The following SNX29 variants were observed in gnomAD, a reference collection of about 807,000 sequenced individuals.
SNX29 encodes sorting nexin-29.
A neutral mutation model predicts 102.1 loss-of-function variants in SNX29; 78 were observed. The ratio of observed to expected loss-of-function variants is 0.76; its 90% CI spans 0.64 to 0.92. The LOEUF (loss-of-function observed/expected upper bound fraction) is 0.92, where lower values mean the gene tolerates loss of function less well. Among genes scored for constraint, SNX29 ranks in the 40% least tolerant of loss-of-function variants. The probability of loss-of-function intolerance (pLI) is 0.00; values close to 1 mark genes in which losing one functional copy is unlikely to be tolerated. For missense variants in SNX29, 1,280 were observed against 1,061.7 expected, an observed-to-expected ratio of 1.21 and a Z score of -2.86; for synonymous variants, 580 against 414.5, an observed-to-expected ratio of 1.40 and a Z score of -4.85.
At chr16:12,340,765 C>A (rs1402756888) in intron 15 of SNX29, among the ~76,000 whole-genome samples, 2 of 152,262 alleles carry the variant, frequency 1.3e-5, no homozygotes, top group South Asian at 2.1e-4. Context: ...TCACCCGGAG[C>A]ATGTGGTATC....
At chr16:12,218,167 TTTGA>T (rs1329338839) in intron 14 of SNX29, among the ~76,000 whole-genome samples, 1 of 152,272 alleles carries the variant, frequency 6.6e-6, no homozygotes, top group Admixed American at 6.5e-5. Flanking sequence ...TACTTCATAC[TTTGA>T]TTTTTTAAAT....
intron 9 of SNX29, among the ~76,000 whole-genome samples, chr16:12,064,067 C>T (rs144732954): frequency 2.6e-5 from 4 of 152,222 alleles, no homozygotes; most frequent in South Asian, 2.1e-4. Context: ...ATTTCCTGCT[C>T]ACCTTGTCCC....
At chr16:12,228,731 G>A (rs987710233) in intron 14 of SNX29, among the ~76,000 whole-genome samples, 2 of 152,192 alleles carry the variant, frequency 1.3e-5, no homozygotes, top group African/African-American at 4.8e-5. Flanking sequence ...GGAACAAGCC[G>A]TGTTTTTCCC....
intron 11 of SNX29, among the ~76,000 whole-genome samples, chr16:12,080,733 C>T (rs982129262): frequency 4.7e-5 from 7 of 149,340 alleles, no homozygotes; most frequent in African/African-American, 1.5e-4. Flanking sequence ...CTCTTGTCTC[C>T]CAGGCTGGAG....
At chr16:12,235,795 GTGTGTGTGTGTGTGTATGTGTA>G (rs1434837825) in intron 14 of SNX29, among the ~76,000 whole-genome samples, 1 of 151,576 alleles carries the variant, frequency 6.6e-6, no homozygotes, top group African/African-American at 2.4e-5. Context: ...TTGTGTGTGT[GTGTGTGTGTGTGTGTATGTGTA>G]TGTGTGTGTG....
intron 20 of SNX29, among the ~76,000 whole-genome samples, chr16:12,530,060 G>A (rs1402014516): frequency 7.9e-5 from 12 of 152,130 alleles, no homozygotes; most frequent in Middle Eastern, 3.2e-3. Flanking sequence ...GTCCCAGTTC[G>A]GCACCGTTCC....
chr16:12,502,124 G>A (rs543907941), intron 19 of SNX29, among the ~76,000 whole-genome samples: 4 of 152,174 alleles, frequency 2.6e-5, no homozygotes, highest in Admixed American at 2.0e-4. Context: ...AACATGCTCC[G>A]TCCAGATGTG....
chr16:11,980,610 C>T (rs1054590141), intron 1 of SNX29, among the ~76,000 whole-genome samples: 8 of 152,160 alleles, frequency 5.3e-5, no homozygotes, highest in Non-Finnish European at 8.8e-5. Context: ...AGTGGCTGCA[C>T]CATTTTCAGT....
intron 14 of SNX29, among the ~76,000 whole-genome samples, chr16:12,252,642 C>T (rs923111642): frequency 6.6e-6 from 1 of 152,224 alleles, no homozygotes; most frequent in African/African-American, 2.4e-5. Context: ...CCTGTCTGCA[C>T]CAGGTGACCT....
intron 15 of SNX29, among the ~76,000 whole-genome samples, chr16:12,281,431 C>T (rs556097403): frequency 6.6e-6 from 1 of 152,294 alleles, no homozygotes; most frequent in South Asian, 2.1e-4. Context: ...ATAAAGCCCT[C>T]TTTAAATGGC....
At chr16:12,502,793 G>A (rs1010569165) in intron 19 of SNX29, among the ~76,000 whole-genome samples, 2 of 152,198 alleles carry the variant, frequency 1.3e-5, no homozygotes, top group African/African-American at 4.8e-5. Context: ...CCAGTGGAAA[G>A]CAATCACAGG....
At chr16:12,178,609 T>G (rs1338066699) in intron 13 of SNX29, among the ~76,000 whole-genome samples, 2 of 152,174 alleles carry the variant, frequency 1.3e-5, no homozygotes, top group Non-Finnish European at 2.9e-5. Flanking sequence ...CTTCTGACTT[T>G]TTGTATAGGA....
At chr16:12,425,960 C>G (rs1258201086) in intron 18 of SNX29, among the ~76,000 whole-genome samples, 1 of 152,166 alleles carries the variant, frequency 6.6e-6, no homozygotes, top group Non-Finnish European at 1.5e-5. Context: ...CATCACCCAG[C>G]CACAGCCTGC....
At position 12,573,770 on chromosome 16, in the gene SNX29, C is replaced by T. The variant is rs1295481133; in HGVS notation, c.*5141C>T. 6 of 222,600 alleles carry T rather than the reference C, an allele frequency of 2.7e-5. No homozygotes were observed. In the East Asian group the frequency reaches 3.9e-4, roughly 15 times the overall value. The allele number at this position is 222,600 out of a possible 1,614,324, so 13.8% of individuals were successfully genotyped here. A position where few individuals can be genotyped will look rare whatever the true frequency, so the allele number is the denominator to read the frequency against. ...CAGAGCTACTAAACGCTCAGTGACC[C>T]CAGAGACCATTAATTTCCCGGAGTG... On this transcript the variant is annotated 3_prime_UTR_variant, in exon 21 of 21. Coordinates refer to ENST00000566228, the MANE Select transcript of SNX29 (RefSeq NM_032167.5).
rs10633753 is a variant in SNX29, at chr16:12,568,303, T to TAAAAAAA, written c.2319-203_2319-202insAAAAAAA. Among the ~76,000 whole-genome samples, 604 of 80,688 alleles carry TAAAAAAA rather than the reference T, an allele frequency of 7.5e-3. 5 individuals carry two copies. Among genetic ancestry groups the TAAAAAAA allele is most frequent in the African/African-American group, 0.022 (554 of 25,540 alleles). The allele number at this position is 80,688 out of a possible 152,430, so 52.9% of individuals were successfully genotyped here. ...GCTTGGTTGGAGCCTCGGAGTGCTGTTAAAAAAAAAAAAATGGAAAGGTTT... is the reference window on the plus strand; with the variant it reads ...GCTTGGTTGGAGCCTCGGAGTGCTGTAAAAAAATAAAAAAAAAAAAATGGAAAGGTTT... On this transcript the variant is annotated intron_variant, in intron 20 of 20. Transcript: ENST00000566228.
intron 19 of SNX29, among the ~76,000 whole-genome samples, chr16:12,493,171 A>G (rs1174693403): frequency 6.6e-6 from 1 of 152,218 alleles, no homozygotes; most frequent in Non-Finnish European, 1.5e-5. Context: ...TGAGGATGGA[A>G]TGTTCTTCCA....
rs566983683 is a variant in SNX29, at chr16:12,564,457, T to TG, written c.2319-4045dup. 3.9e-4 allele frequency among the ~76,000 whole-genome samples: 59 copies of TG among 152,362 alleles called. No individual in the cohort carries two copies. The South Asian group carries it at 0.011, about 28-fold the overall frequency. On this transcript the variant is annotated intron_variant, in intron 20 of 20. Transcript: ENST00000566228. ...TTTCACAGATCAGAAAGCTGTGTTT[T>TG]GGGGAGGTTATGGATCTTTCTCCAA...
chr16:12,436,461 C>T (rs1245888612), intron 18 of SNX29, among the ~76,000 whole-genome samples: 3 of 152,242 alleles, frequency 2.0e-5, no homozygotes, highest in Non-Finnish European at 4.4e-5. Context: ...TGGCTGCTTT[C>T]CTCCCTGCCA....
chr16:12,489,365 C>T (rs995843265), intron 19 of SNX29, among the ~76,000 whole-genome samples: 1 of 152,180 alleles, frequency 6.6e-6, no homozygotes, highest in African/African-American at 2.4e-5. Context: ...TTCACAACCC[C>T]AGGCTGGAGG....
Sources: gnomAD v4.1 joint callset for allele counts (sites outside exome capture counted in the v4.1 genomes callset) on GRCh38, gnomAD v4.1.1 for gene constraint, MANE v1.5 for transcripts, NCBI Gene and HGNC (gene_info 2026-07-23, HGNC 2026-07-21) for gene names.